Variants in MGAT4C observed in about 807,000 individuals in gnomAD.
MGAT4C encodes MGAT4 family member C, also known as alpha-1,3-mannosyl-glycoprotein 4-beta-N-acetylglucosaminyltransferase C.
MGAT4C carries 19 observed loss-of-function variants against 40.1 expected under a neutral mutation model. The ratio of observed to expected loss-of-function variants is 0.47; its 90% CI spans 0.33 to 0.70. MGAT4C has a LOEUF of 0.70. Among genes scored for constraint, MGAT4C ranks in the 30% least tolerant of loss-of-function variants. The pLI, the probability that MGAT4C is intolerant of heterozygous loss-of-function variation, is 0.02. For synonymous variants in MGAT4C, 181 were observed against 187.1 expected (o/e 0.97, Z 0.27); for missense variants, 491 against 563.2 (o/e 0.87, Z 1.30).
intron 1 of MGAT4C, among the ~76,000 whole-genome samples, chr12:86,752,685 A>G (rs1951244768): frequency 6.6e-6 from 1 of 152,096 alleles, no homozygotes; most frequent in Non-Finnish European, 1.5e-5. Context: ...CATTCAAGAT[A>G]GCCAAATTGT....
chr12:86,641,769 C>T (rs942310447), intron 2 of MGAT4C, among the ~76,000 whole-genome samples: 4 of 151,164 alleles, frequency 2.6e-5, no homozygotes, highest in South Asian at 2.1e-4. Flanking sequence ...ACATAACCTC[C>T]GCAAAAAAGG....
chr12:86,576,144 AT>A lies in MGAT4C; in HGVS notation c.-228-140880del, dbSNP rs142079353. Reference sequence around the variant, plus strand: ...TTATGTTTCCTTTTGAGAAATGTCTATTCAAATCTTTTGTATGTTTTTTGAT... The same window carrying A: ...TTATGTTTCCTTTTGAGAAATGTCTATCAAATCTTTTGTATGTTTTTTGAT... On this transcript the variant is annotated intron_variant, in intron 2 of 7. Coordinates refer to the MGAT4C transcript ENST00000548651. Among the ~76,000 whole-genome samples, 228 of 151,914 alleles carry A rather than the reference AT, an allele frequency of 1.5e-3. 2 individuals are homozygous for A. In the East Asian group the frequency reaches 0.033, roughly 22 times the overall value.
At chr12:86,742,893 C>T (rs529911031) in intron 1 of MGAT4C, among the ~76,000 whole-genome samples, 1 of 151,582 alleles carries the variant, frequency 6.6e-6, no homozygotes, top group Non-Finnish European at 1.5e-5. Flanking sequence ...CAAACTAAAG[C>T]TATTACACTG....
At chr12:86,059,022 TAA>T (rs1456425518) in intron 1 of MGAT4C, among the ~76,000 whole-genome samples, 2 of 152,142 alleles carry the variant, frequency 1.3e-5, no homozygotes, top group Non-Finnish European at 2.9e-5. Flanking sequence ...CTGAAAGATC[TAA>T]CATGTTTTTT....
chr12:86,827,626 A>AT (rs1952833388), intron 1 of MGAT4C, among the ~76,000 whole-genome samples: 1 of 151,488 alleles, frequency 6.6e-6, no homozygotes, highest in East Asian at 1.9e-4. Context: ...CAACGAAAGA[A>AT]AAATGCCTTG....
intron 1 of MGAT4C, among the ~76,000 whole-genome samples, chr12:86,201,005 A>T (rs863394): frequency 0.76 from 115,598 of 152,086 alleles, 44,413 homozygotes; most frequent in Middle Eastern, 0.83. Flanking sequence ...GGCACTTTGA[A>T]GTTTGACTTC....
At chr12:86,437,940 G>A (rs1215060958) in intron 2 of MGAT4C, among the ~76,000 whole-genome samples, 1 of 151,804 alleles carries the variant, frequency 6.6e-6, no homozygotes, top group African/African-American at 2.4e-5. Flanking sequence ...CAAAAATATT[G>A]AAATTTAGCT....
At chr12:86,483,151 G>A (rs1025985993) in intron 2 of MGAT4C, among the ~76,000 whole-genome samples, 9 of 152,134 alleles carry the variant, frequency 5.9e-5, no homozygotes, top group African/African-American at 2.2e-4. Context: ...AAGGGGTGAA[G>A]GAGCTATCTG....
intron 2 of MGAT4C, among the ~76,000 whole-genome samples, chr12:86,725,387 A>G (rs765090545): frequency 6.6e-6 from 1 of 152,180 alleles, no homozygotes; most frequent in Non-Finnish European, 1.5e-5. Flanking sequence ...GTCAGACCAG[A>G]CAACATTAAA....
chr12:86,042,867 CAAAAAAAA>C (rs140809256), intron 2 of MGAT4C, among the ~76,000 whole-genome samples: 3 of 107,978 alleles, frequency 2.8e-5, no homozygotes, highest in Admixed American at 1.0e-4. Flanking sequence ...GACTCTGTCT[CAAAAAAAA>C]AAAAAAAAAA....
At chr12:86,296,880 C>G (rs926211818) in intron 4 of MGAT4C, among the ~76,000 whole-genome samples, 2 of 152,218 alleles carry the variant, frequency 1.3e-5, no homozygotes, top group East Asian at 1.9e-4. Context: ...CAAGTGCCGC[C>G]GAAGTGGGAG....
intron 2 of MGAT4C, among the ~76,000 whole-genome samples, chr12:86,436,889 TA>T (rs1385852496): frequency 6.6e-6 from 1 of 151,752 alleles, no homozygotes; most frequent in Non-Finnish European, 1.5e-5. Context: ...GATGTTATGT[TA>T]AAAATGTTTA....
At chr12:86,280,919 C>T (rs538437460) in intron 4 of MGAT4C, among the ~76,000 whole-genome samples, 43 of 151,886 alleles carry the variant, frequency 2.8e-4, no homozygotes, top group African/African-American at 9.2e-4. Flanking sequence ...ATAGTTGGTT[C>T]CCTCTTTGTT....
At chr12:86,646,939 C>T (rs1246877941) in intron 2 of MGAT4C, among the ~76,000 whole-genome samples, 1 of 151,846 alleles carries the variant, frequency 6.6e-6, no homozygotes, top group Non-Finnish European at 1.5e-5. Flanking sequence ...ATTGGTTTGG[C>T]CAAAGTGACA....
At chr12:86,605,392 G>A (rs1238845437) in intron 2 of MGAT4C, among the ~76,000 whole-genome samples, 3 of 151,880 alleles carry the variant, frequency 2.0e-5, no homozygotes, top group Non-Finnish European at 4.4e-5. Context: ...TTTTCGATGA[G>A]TAAACATGAC....
chr12:86,011,550 A>G lies in MGAT4C; in HGVS notation c.-6-21998T>C, dbSNP rs141659494. On this transcript the variant is annotated intron_variant, in intron 2 of 4. Transcript: ENST00000611864. Reference sequence around the variant, plus strand: ...ACAACAGAGGAGAGAACCACATTACATGAGAGAGATGTTGTTGGCTTATAA... The same window carrying G: ...ACAACAGAGGAGAGAACCACATTACGTGAGAGAGATGTTGTTGGCTTATAA... 3.3e-3 allele frequency among the ~76,000 whole-genome samples: 503 copies of G among 152,298 alleles called. 3 individuals carry two copies. The highest frequency in any genetic ancestry group is 0.011 in the African/African-American group (469 of 41,558).
intron 4 of MGAT4C, among the ~76,000 whole-genome samples, chr12:86,265,012 G>C (rs1266699368): frequency 6.6e-6 from 1 of 152,168 alleles, no homozygotes; most frequent in Non-Finnish European, 1.5e-5. Context: ...GCGTTCCCTG[G>C]TGCCAGCCAT....
chr12:86,474,676 A>T (rs1957806529), intron 2 of MGAT4C, among the ~76,000 whole-genome samples: 1 of 152,004 alleles, frequency 6.6e-6, no homozygotes, highest in Admixed American at 6.6e-5. Flanking sequence ...CTGGCTTTTC[A>T]GGTTTTCTTT....
rs183512568 is a variant in MGAT4C, at chr12:85,994,290, A to C, written c.-6-4738T>G. On this transcript the variant is annotated intron_variant, in intron 2 of 4. Transcript: ENST00000611864. ...ATTCTGCAAATTGTAATCCTCTCAA[A>C]TCCATTCACAATACAGAATACAAAT... Among the ~76,000 whole-genome samples, 653 of 152,320 alleles carry C rather than the reference A, an allele frequency of 4.3e-3. 4 individuals carry two copies. Among genetic ancestry groups the C allele is most frequent in the Non-Finnish European group, 6.5e-3 (439 of 68,026 alleles).
Sources: gnomAD v4.1 joint callset for allele counts (sites outside exome capture counted in the v4.1 genomes callset) on GRCh38, gnomAD v4.1.1 for gene constraint, MANE v1.5 for transcripts, NCBI Gene and HGNC (gene_info 2026-07-23, HGNC 2026-07-21) for gene names.